Variants in IGF1R observed in about 807,000 individuals in gnomAD.
The protein encoded by IGF1R is insulin-like growth factor 1 receptor.
IGF1R carries 44 observed loss-of-function variants against 144.6 expected under a neutral mutation model. The observed-to-expected ratio is 0.30, with a 90% CI of 0.24 to 0.39. The LOEUF (loss-of-function observed/expected upper bound fraction) is 0.39. IGF1R is among the 10% of genes least tolerant of loss of function. IGF1R has a pLI of 1.00. For synonymous variants in IGF1R, 795 were observed against 722.8 expected (o/e 1.10, Z -1.60); for missense variants, 1,355 against 1,833.7 (o/e 0.74, Z 4.77).
At chr15:98,679,605 C>T (rs763340305) in intron 1 of IGF1R, among the ~76,000 whole-genome samples, 9 of 152,268 alleles carry the variant, frequency 5.9e-5, no homozygotes, top group South Asian at 4.1e-4. Context: ...GAAAGTGCAG[C>T]GCATACAATT....
At chr15:98,743,179 C>T (rs926646264) in intron 2 of IGF1R, among the ~76,000 whole-genome samples, 7 of 152,178 alleles carry the variant, frequency 4.6e-5, no homozygotes, top group Admixed American at 2.6e-4. Flanking sequence ...TTTAAACATA[C>T]GGGAAGTAAG....
intron 1 of IGF1R, among the ~76,000 whole-genome samples, chr15:98,683,256 C>T (rs1020619330): frequency 6.6e-6 from 1 of 152,072 alleles, no homozygotes; most frequent in African/African-American, 2.4e-5. Context: ...GCAGATACAG[C>T]GCCTTTTCAC....
chr15:98,826,577 C>T (rs989239445), intron 2 of IGF1R, among the ~76,000 whole-genome samples: 1 of 152,156 alleles, frequency 6.6e-6, no homozygotes, highest in African/African-American at 2.4e-5. Flanking sequence ...ATCTAGACTT[C>T]CTTTGGAATT....
chr15:98,890,489 G>C (rs2013852956), intron 2 of IGF1R: 1 of 152,246 alleles, frequency 6.6e-6, no homozygotes, highest in Admixed American at 6.5e-5. Flanking sequence ...TCCACCCCTT[G>C]TTTAGCGTGT....
intron 2 of IGF1R, among the ~76,000 whole-genome samples, chr15:98,878,441 A>G (rs1012808007): frequency 2.6e-5 from 4 of 152,204 alleles, no homozygotes; most frequent in Non-Finnish European, 4.4e-5. Flanking sequence ...TAAACTTATA[A>G]GGAATATACA....
chr15:98,923,782 G>C (rs1365844432), intron 11 of IGF1R, 94 bp from the exon 12 acceptor site: 4 of 988,466 alleles, frequency 4.0e-6, no homozygotes, highest in African/African-American at 1.6e-5. Context: ...TGTCCTGCCC[G>C]TGTGGATGGG....
At chr15:98,825,240 C>G (rs1466051507) in intron 2 of IGF1R, among the ~76,000 whole-genome samples, 2 of 152,186 alleles carry the variant, frequency 1.3e-5, no homozygotes, top group Admixed American at 6.5e-5. Context: ...TACAGTTTTC[C>G]CTGAGAAAAC....
chr15:98,934,528 A>T (rs1438988831), intron 15 of IGF1R, among the ~76,000 whole-genome samples: 1 of 152,202 alleles, frequency 6.6e-6, no homozygotes, highest in African/African-American at 2.4e-5. Context: ...TTAAAAACCA[A>T]CTGCTTTCTT....
intron 2 of IGF1R, among the ~76,000 whole-genome samples, chr15:98,852,153 T>G (rs2011553344): frequency 6.6e-6 from 1 of 152,226 alleles, no homozygotes; most frequent in Non-Finnish European, 1.5e-5. Context: ...ACAAAACCTT[T>G]GCGGTTTTCC....
intron 2 of IGF1R, among the ~76,000 whole-genome samples, chr15:98,878,866 G>A (rs1038100172): frequency 6.6e-6 from 1 of 151,810 alleles, no homozygotes; most frequent in African/African-American, 2.4e-5. Flanking sequence ...CGTGGTGGTG[G>A]GCGCCTATAA....
At chr15:98,770,831 T>G (rs1197279170) in intron 2 of IGF1R, among the ~76,000 whole-genome samples, 1 of 152,136 alleles carries the variant, frequency 6.6e-6, no homozygotes, top group East Asian at 1.9e-4. Flanking sequence ...GAATCCTGAG[T>G]GTCCACCATG....
At chr15:98,947,314 C>T (rs35402147) in intron 19 of IGF1R, among the ~76,000 whole-genome samples, 2,615 of 152,282 alleles carry the variant, frequency 0.017, 38 homozygotes, top group Non-Finnish European at 0.029. Flanking sequence ...GCTGAAGCAG[C>T]GAATAAAACG....
At position 98,923,914 on chromosome 15, in the gene IGF1R, C is replaced by T. The variant is rs369599027; in HGVS notation, c.2524C>T (p.Pro842Ser). 4.1e-5 allele frequency: 66 copies of T among 1,612,516 alleles called. No individual in the cohort carries two copies. The highest frequency in any genetic ancestry group is 3.3e-4 in the East Asian group (15 of 44,894). ...CATTCCTGGGCCAGTGACCTGGGAG[C>T]CAAGGCCTGAAAACTCCATCTTTTT... is the stretch of plus-strand genomic sequence containing the variant. The part of the protein sequence containing the change: ...DDIPGPVTWE[P>S]RPENSIFLKW... The change falls in exon 12 of 21, where the codon CCA (proline) becomes TCA (serine). Residue 842 changes from proline (P) to serine (S), a missense_variant. This residue lies in a region of IGF1R where 880 missense variants were observed against 1,202.7 expected (regional missense o/e 0.73). Transcript: ENST00000650285.
Position 98,964,353 on chromosome 15 carries a change from A to T in IGF1R, c.*6911A>T, listed in dbSNP as rs189306627. 4.3e-6 allele frequency: 1 copy of T among 230,872 alleles called. No individual in the cohort carries two copies. Among genetic ancestry groups the T allele is most frequent in the East Asian group, 6.3e-5 (1 of 15,974 alleles). The allele number at this position is 230,872 out of a possible 1,614,324, so 14.3% of individuals were successfully genotyped here. A position where few individuals can be genotyped will look rare whatever the true frequency, so the allele number is the denominator to read the frequency against. ...AAAAAATTTCAAAATGTTTTTGTAT[A>T]TTCTGTTGTAAGAATTTATTCCTGT... On this transcript the variant is annotated 3_prime_UTR_variant, in exon 21 of 21. Coordinates refer to ENST00000650285, the MANE Select transcript of IGF1R (RefSeq NM_000875.5).
intron 19 of IGF1R, 114 bp from the exon 20 acceptor site, chr15:98,948,460 C>A: frequency 8.8e-7 from 1 of 1,133,776 alleles, no homozygotes; most frequent in Non-Finnish European, 1.3e-6. Flanking sequence ...CAAGCACTGT[C>A]ACCATAGTAA....
At chr15:98,787,602 CAG>C (rs2056028957) in intron 2 of IGF1R, among the ~76,000 whole-genome samples, 2 of 151,554 alleles carry the variant, frequency 1.3e-5, no homozygotes, top group Admixed American at 6.6e-5. Flanking sequence ...TCTCTTAAAA[CAG>C]AGACCTTAAA....
At chr15:98,724,662 A>G (rs1193785304) in intron 2 of IGF1R, among the ~76,000 whole-genome samples, 1 of 152,208 alleles carries the variant, frequency 6.6e-6, no homozygotes, top group South Asian at 2.1e-4. Flanking sequence ...ACAGGAGGTG[A>G]TGACTGGAGC....
At chr15:98,840,161 A>T (rs2011149068) in intron 2 of IGF1R, among the ~76,000 whole-genome samples, 1 of 152,102 alleles carries the variant, frequency 6.6e-6, no homozygotes, top group Non-Finnish European at 1.5e-5. Flanking sequence ...GAGTGCAGGG[A>T]GGACTGTCAC....
At chr15:98,717,521 A>G (rs1380466262) in intron 2 of IGF1R, among the ~76,000 whole-genome samples, 2 of 152,178 alleles carry the variant, frequency 1.3e-5, no homozygotes, top group Non-Finnish European at 2.9e-5. Flanking sequence ...GTTCTTGCTA[A>G]TTTGATTCGT....
Sources: gnomAD v4.1 joint callset for allele counts (sites outside exome capture counted in the v4.1 genomes callset) on GRCh38, gnomAD v4.1.1 for gene constraint, gnomAD v4.1.1 regional missense constraint, MANE v1.5 for transcripts, NCBI Gene and HGNC (gene_info 2026-07-23, HGNC 2026-07-21) for gene names.